The following JPH2 variants were observed in gnomAD, a reference collection of about 807,000 sequenced individuals.
JPH2 encodes the protein junctophilin 2.
A neutral mutation model predicts 55.9 loss-of-function variants in JPH2; 38 were observed. That is an observed-to-expected ratio of 0.68 (90% CI 0.52 to 0.89). JPH2 has a LOEUF of 0.89. Among genes scored for constraint, JPH2 ranks in the 40% least tolerant of loss-of-function variants. JPH2 has a pLI of 0.00. For synonymous variants in JPH2, 480 were observed against 472.4 expected (o/e 1.02, Z -0.21); for missense variants, 964 against 1,037.6 (o/e 0.93, Z 0.97).
chr20:44,159,869 G>A lies in JPH2; in HGVS notation c.918C>T (p.Ser306=). The A allele has an allele frequency of 2.5e-6, 4 of 1,613,418 alleles. No individual in the cohort carries two copies. Among genetic ancestry groups the A allele is most frequent in the Admixed American group, 1.7e-5 (1 of 60,010 alleles). Reference sequence around the variant, plus strand: ...CGTAGCGGAGGCCACTGGAGCGTTCGCTCACGCCGAAGCCCGAGCGTTTGT... The same window carrying A: ...CGTAGCGGAGGCCACTGGAGCGTTCACTCACGCCGAAGCCCGAGCGTTTGT... ...KNDKRSGFGV[S]ERSSGLRYEG... The change falls in exon 2 of 6, where the codon AGC becomes AGT. Residue 306 remains serine, a synonymous_variant. Coordinates refer to ENST00000372980, the MANE Select transcript of JPH2 (RefSeq NM_020433.5). This position sits in a 1 kb window ranked among gnomAD's most constrained non-coding sequence, Gnocchi z 5.7.
At chr20:44,113,974 C>T (rs974488316) in intron 5 of JPH2, among the ~76,000 whole-genome samples, 11 of 152,164 alleles carry the variant, frequency 7.2e-5, no homozygotes, top group Admixed American at 1.3e-4. Flanking sequence ...GATTAAGAAC[C>T]TCCAGCCCAA....
intron 1 of JPH2, chr20:44,177,727 A>G (rs2072746554): frequency 2.2e-6 from 3 of 1,378,096 alleles, no homozygotes; most frequent in Non-Finnish European, 2.8e-6. Flanking sequence ...AGGCAGAACT[A>G]AGCGAATCAA....
intron 2 of JPH2, among the ~76,000 whole-genome samples, chr20:44,144,551 C>T (rs2072480368): frequency 6.6e-6 from 1 of 152,166 alleles, no homozygotes; most frequent in South Asian, 2.1e-4. Flanking sequence ...CTCAGCTTCC[C>T]CAGCCTGCAC....
At chr20:44,182,645 C>T (rs951042690) in intron 1 of JPH2, among the ~76,000 whole-genome samples, 2 of 152,240 alleles carry the variant, frequency 1.3e-5, no homozygotes, top group Non-Finnish European at 2.9e-5. Context: ...GGACCTACTT[C>T]CTCTACAGGC....
chr20:44,152,175 A>T (rs1188593834), intron 2 of JPH2, among the ~76,000 whole-genome samples: 1 of 152,228 alleles, frequency 6.6e-6, no homozygotes, highest in Non-Finnish European at 1.5e-5. Flanking sequence ...AGTGCTTCTT[A>T]AAGTTTGTGA....
chr20:44,141,220 G>C (rs534423731), intron 2 of JPH2, among the ~76,000 whole-genome samples: 1 of 152,162 alleles, frequency 6.6e-6, no homozygotes, highest in Non-Finnish European at 1.5e-5. Flanking sequence ...CAACGCATCC[G>C]GCTAAAAATA....
intron 1 of JPH2, among the ~76,000 whole-genome samples, chr20:44,185,301 A>C (rs1321807044): frequency 2.0e-5 from 3 of 152,110 alleles, no homozygotes; most frequent in Non-Finnish European, 4.4e-5. Context: ...AGCAAGACCT[A>C]TCTTTAAAAA....
chr20:44,119,487 A>AC (rs1354897432), intron 2 of JPH2, among the ~76,000 whole-genome samples: 1 of 152,062 alleles, frequency 6.6e-6, no homozygotes, highest in Non-Finnish European at 1.5e-5. Flanking sequence ...AAATGTGCCT[A>AC]CCCCCGGCTG....
intron 4 of JPH2, among the ~76,000 whole-genome samples, chr20:44,115,237 A>G (rs935252087): frequency 1.3e-5 from 2 of 152,028 alleles, no homozygotes; most frequent in East Asian, 1.9e-4. Flanking sequence ...CCTGCCTCCC[A>G]TAAGTCAGGA....
At chr20:44,176,860 A>G (rs1323014802) in intron 1 of JPH2, 1 of 985,060 alleles carries the variant, frequency 1.0e-6, no homozygotes, top group African/African-American at 1.7e-5. Flanking sequence ...GAAATAATAA[A>G]AACATGGTAC....
At chr20:44,180,184 C>T (rs1013546368) in intron 1 of JPH2, among the ~76,000 whole-genome samples, 4 of 152,186 alleles carry the variant, frequency 2.6e-5, no homozygotes, top group Non-Finnish European at 5.9e-5. Context: ...CGCCATTGTA[C>T]CCCAGCCTGG....
chr20:44,127,970 TC>T (rs1205070886), intron 2 of JPH2, among the ~76,000 whole-genome samples: 1 of 152,222 alleles, frequency 6.6e-6, no homozygotes, highest in Non-Finnish European at 1.5e-5. Flanking sequence ...TGGATTTTTT[TC>T]CTTCTTATTA....
intron 1 of JPH2, among the ~76,000 whole-genome samples, chr20:44,180,441 C>A (rs1347790131): frequency 6.6e-6 from 1 of 152,054 alleles, no homozygotes; most frequent in East Asian, 1.9e-4. Context: ...AAGCGATCCT[C>A]CCACCTTAGC....
chr20:44,176,413 C>T lies in JPH2; in HGVS notation c.379+9914G>A, dbSNP rs568659881. On this transcript the variant is annotated intron_variant, in intron 1 of 5. Coordinates refer to ENST00000372980, the MANE Select transcript of JPH2 (RefSeq NM_020433.5). ...GCTCAAGCAATCCTCCTGCCTTGGCCTCTTAAAGCGCTGGCCTTCTCTGTA... is the reference window on the plus strand; with the variant it reads ...GCTCAAGCAATCCTCCTGCCTTGGCTTCTTAAAGCGCTGGCCTTCTCTGTA... Among the ~76,000 whole-genome samples, 5 of 151,344 alleles carry T rather than the reference C, an allele frequency of 3.3e-5. No homozygotes were observed. The South Asian group carries it at 1.0e-3, about 32-fold the overall frequency.
At position 44,159,307 on chromosome 20, in the gene JPH2, G is replaced by A. The variant is rs1306053106; in HGVS notation, c.1169+311C>T. On this transcript the variant is annotated intron_variant, in intron 2 of 5. Coordinates refer to ENST00000372980, the MANE Select transcript of JPH2 (RefSeq NM_020433.5). This position sits in a 1 kb window ranked among gnomAD's most constrained non-coding sequence, Gnocchi z 5.7. Reference sequence around the variant, plus strand: ...GATGGATGACTGGATGACTGGGTGGGTAAACAGGAAGTGGAATGGGTAGGG... The same window carrying A: ...GATGGATGACTGGATGACTGGGTGGATAAACAGGAAGTGGAATGGGTAGGG... Among the ~76,000 whole-genome samples, 7 of 152,086 alleles carry A rather than the reference G, an allele frequency of 4.6e-5. No individual in the cohort carries two copies. Among genetic ancestry groups the A allele is most frequent in the African/African-American group, 2.4e-5 (1 of 41,408 alleles).
At chr20:44,132,387 C>CAA (rs2072326780) in intron 2 of JPH2, among the ~76,000 whole-genome samples, 1 of 138,786 alleles carries the variant, frequency 7.2e-6, no homozygotes, top group Non-Finnish European at 1.6e-5. Context: ...CACACACACA[C>CAA]ACACACACAC....
intron 2 of JPH2, among the ~76,000 whole-genome samples, chr20:44,145,196 G>T (rs2072484917): frequency 6.6e-6 from 1 of 152,216 alleles, no homozygotes. Context: ...CAGGAGCAGG[G>T]CCAGGCACTG....
In JPH2 at chr20:44,114,823, G is replaced by A. The variant is rs1250890043; in HGVS notation, c.2064C>T (p.Ala688=). 1.2e-6 allele frequency: 2 copies of A among 1,607,412 alleles called. No individual in the cohort carries two copies. Residue 688 remains alanine, a synonymous_variant, in exon 5 of 6, where the codon GCC becomes GCT. Coordinates refer to ENST00000372980, the MANE Select transcript of JPH2 (RefSeq NM_020433.5). ...AGGTCAGGAGGTGAACAAAGAGGAT[G>A]GCCAGGCCGATGTTCAGCAGGATCA... ...CMVILLNIGL[A]ILFVHLLT
chr20:44,144,926 C>A (rs1469421455), intron 2 of JPH2, among the ~76,000 whole-genome samples: 3 of 151,920 alleles, frequency 2.0e-5, no homozygotes, highest in African/African-American at 7.3e-5. Context: ...ATGACCCTCT[C>A]CTAGGCCCCA....
Sources: allele counts gnomAD v4.1 joint callset (sites outside exome capture counted in the v4.1 genomes callset), GRCh38; gene constraint gnomAD v4.1.1; non-coding constraint Gnocchi (gnomAD v3.1); transcripts MANE v1.5; gene names NCBI Gene and HGNC (gene_info 2026-07-23, HGNC 2026-07-21).